The following IP6K1 variants were observed in gnomAD, a reference collection of about 807,000 sequenced individuals.
The protein encoded by IP6K1 is inositol hexakisphosphate kinase 1.
Under a neutral mutation model 38.3 loss-of-function variants are expected in IP6K1, and 13 were observed. The ratio of observed to expected loss-of-function variants is 0.34; its 90% CI spans 0.22 to 0.54. IP6K1 has a LOEUF of 0.54. Among genes scored for constraint, IP6K1 ranks in the 20% least tolerant of loss-of-function variants. The pLI, the probability that IP6K1 is intolerant of heterozygous loss-of-function variation, is 0.92. For missense variants in IP6K1, 397 were observed against 599.8 expected (o/e 0.66, Z 3.53); for synonymous variants, 212 against 229.9 (o/e 0.92, Z 0.70).
Position 49,747,887 on chromosome 3 carries a change from T to A in IP6K1, c.154A>T (p.Ile52Phe). Residue 52 changes from isoleucine to phenylalanine, a missense_variant, in exon 2 of 6, where the codon ATC becomes TTC. Around this residue, in one of 3 missense-constraint regions of IP6K1, gnomAD observed 171 missense variants for 237.0 expected, o/e 0.72. Transcript: ENST00000321599. ...TCGTAAAAGCGCTGTTCCCGGGAGA[T>A]GAGGGGCTTGCACACAGTGTGATCG... ...YDDHTVCKPL[I>F]SREQRFYESL... 1.2e-6 allele frequency: 2 copies of A among 1,614,140 alleles called. No individual in the cohort carries two copies. Among genetic ancestry groups the A allele is most frequent in the Non-Finnish European group, 1.7e-6 (2 of 1,180,028 alleles).
At chr3:49,761,155 A>G (rs1241878176) in intron 1 of IP6K1, among the ~76,000 whole-genome samples, 3 of 150,820 alleles carry the variant, frequency 2.0e-5, no homozygotes, top group Middle Eastern at 6.8e-3. Context: ...CTCTACTAAA[A>G]ATACAAAAAA....
intron 1 of IP6K1, among the ~76,000 whole-genome samples, chr3:49,770,731 T>A (rs2080949999): frequency 6.6e-6 from 1 of 152,200 alleles, no homozygotes; most frequent in South Asian, 2.1e-4. Flanking sequence ...CAAGGTGTCC[T>A]CAGACACTCA....
At chr3:49,786,183 G>C (rs920548520) in intron 1 of IP6K1, 171 bp downstream of exon 1, 1 of 152,280 alleles carries the variant, frequency 6.6e-6, no homozygotes. Flanking sequence ...CCCGGCTTCG[G>C]TGCCAGCATC....
chr3:49,750,153 G>A (rs2080760475), intron 1 of IP6K1, among the ~76,000 whole-genome samples: 1 of 152,188 alleles, frequency 6.6e-6, no homozygotes, highest in African/African-American at 2.4e-5. Flanking sequence ...GCTGGATTGT[G>A]GAGGGCAGGT....
chr3:49,728,027 T>G lies in IP6K1; in HGVS notation c.792+76A>C, dbSNP rs754044368. On this transcript the variant is annotated intron_variant, in intron 5 of 5. Transcript: ENST00000321599. ...GGGGCTCAGGAGGACACACTTGGCA[T>G]AGATGGCAGGCAGGTATGAGCACAA... 4.8e-6 allele frequency: 7 copies of G among 1,454,906 alleles called. No homozygotes were observed. In the South Asian group the frequency reaches 6.3e-5, roughly 13 times the overall value. 90.1% of individuals were successfully genotyped at this position (1,454,906 alleles called of 1,614,324 possible). A position where few individuals can be genotyped will look rare whatever the true frequency, so the allele number is the denominator to read the frequency against.
intron 1 of IP6K1, among the ~76,000 whole-genome samples, chr3:49,772,446 A>G (rs1241297506): frequency 6.6e-6 from 1 of 151,912 alleles, no homozygotes; most frequent in Non-Finnish European, 1.5e-5. Flanking sequence ...TCTGTTACCC[A>G]GGCTAAAGTG....
intron 3 of IP6K1, among the ~76,000 whole-genome samples, chr3:49,737,071 CTTTTTTTTT>C (rs527723899): frequency 8.8e-6 from 1 of 113,034 alleles, no homozygotes; most frequent in African/African-American, 3.3e-5. Flanking sequence ...CAAGCCTGGC[CTTTTTTTTT>C]TTTTTTTTTT....
chr3:49,764,756 G>A (rs2080896015), intron 1 of IP6K1, among the ~76,000 whole-genome samples: 1 of 151,940 alleles, frequency 6.6e-6, no homozygotes, highest in Non-Finnish European at 1.5e-5. Context: ...GTGCACACCT[G>A]TAATCCCAGC....
At chr3:49,756,751 G>A (rs2080826405) in intron 1 of IP6K1, among the ~76,000 whole-genome samples, 2 of 145,800 alleles carry the variant, frequency 1.4e-5, no homozygotes, top group Admixed American at 7.0e-5. Context: ...GAAGGCAGAG[G>A]TTTAGGTGAG....
In IP6K1 at chr3:49,738,332, T is replaced by C; in HGVS notation, c.314A>G (p.Asp105Gly). The C allele has an allele frequency of 6.2e-7, 1 of 1,614,188 alleles. No homozygotes were observed. Among genetic ancestry groups the C allele is most frequent in the Non-Finnish European group, 8.5e-7 (1 of 1,180,026 alleles). ...PYVESETVEQ[D>G]DTTEREQPRR... The stretch of plus-strand genomic sequence containing the variant: ...AGGTTGCTCCCGTTCTGTTGTGTCA[T>C]CCTGTTCCACAGTCTCACTTTCCAC... Residue 105 changes from aspartate to glycine, a missense_variant, in exon 3 of 6, where the codon GAT becomes GGT. This residue lies in a region of IP6K1 where 171 missense variants were observed against 237.0 expected (regional missense o/e 0.72). Transcript: ENST00000321599.
intron 1 of IP6K1, among the ~76,000 whole-genome samples, chr3:49,773,639 G>C (rs2080978803): frequency 6.6e-6 from 1 of 152,102 alleles, no homozygotes; most frequent in African/African-American, 2.4e-5. Flanking sequence ...AAATAAAAAA[G>C]ATAGCCACAT....
chr3:49,763,173 G>A (rs866406592), intron 1 of IP6K1, among the ~76,000 whole-genome samples: 61 of 143,904 alleles, frequency 4.2e-4, no homozygotes, highest in African/African-American at 1.5e-3. Flanking sequence ...GCGCAATCTC[G>A]GCTCACTGCA....
intron 3 of IP6K1, among the ~76,000 whole-genome samples, chr3:49,734,117 A>C (rs201475888): frequency 6.6e-6 from 1 of 152,180 alleles, no homozygotes; most frequent in East Asian, 1.9e-4. Flanking sequence ...CAGCCTGGGA[A>C]ACAGATAGAC....
chr3:49,752,048 C>G (rs560586656), intron 1 of IP6K1, among the ~76,000 whole-genome samples: 91 of 152,152 alleles, frequency 6.0e-4, no homozygotes, highest in African/African-American at 2.1e-3. Context: ...GTCTGTCGTC[C>G]AGGCTGGAGT....
rs151173149 is a variant in IP6K1 at position 49,766,764 on chromosome 3, G to A, written c.-128-18596C>T. Reference sequence around the variant, plus strand: ...GAGCAGATCACTAGGTCAGGAGTTTGAGACCAGCCTGACCAACATGGCAAA... The same window carrying A: ...GAGCAGATCACTAGGTCAGGAGTTTAAGACCAGCCTGACCAACATGGCAAA... On this transcript the variant is annotated intron_variant, in intron 1 of 5. Transcript: ENST00000321599. Among the ~76,000 whole-genome samples, 125 of 151,240 alleles carry A rather than the reference G, an allele frequency of 8.3e-4. 4 individuals are homozygous for A. In the East Asian group the frequency reaches 0.022, roughly 27 times the overall value.
chr3:49,765,740 A>C (rs1019042773), intron 1 of IP6K1, among the ~76,000 whole-genome samples: 1 of 151,258 alleles, frequency 6.6e-6, no homozygotes, highest in African/African-American at 2.4e-5. Context: ...CTGATACATA[A>C]ACTATGTAAA....
chr3:49,756,545 C>A (rs974286331), intron 1 of IP6K1, among the ~76,000 whole-genome samples: 2 of 152,130 alleles, frequency 1.3e-5, no homozygotes, highest in Non-Finnish European at 2.9e-5. Context: ...GGGCCGGGCG[C>A]AGTGGCTCAT....
intron 4 of IP6K1, among the ~76,000 whole-genome samples, chr3:49,729,494 G>A (rs889811260): frequency 2.6e-5 from 4 of 151,068 alleles, no homozygotes; most frequent in African/African-American, 9.7e-5. Context: ...CGCAACCTCC[G>A]CCTCCTGGTA....
chr3:49,773,761 A>C (rs954110639), intron 1 of IP6K1, among the ~76,000 whole-genome samples: 1 of 152,216 alleles, frequency 6.6e-6, no homozygotes, highest in Non-Finnish European at 1.5e-5. Flanking sequence ...GTAAAGTACC[A>C]AAAACAGTAA....
Sources: allele counts gnomAD v4.1 joint callset (sites outside exome capture counted in the v4.1 genomes callset), GRCh38; gene constraint gnomAD v4.1.1; regional missense constraint gnomAD v4.1.1; transcripts MANE v1.5; gene names NCBI Gene and HGNC (gene_info 2026-07-23, HGNC 2026-07-21).